The following NTM variants were observed in gnomAD, a reference collection of about 807,000 sequenced individuals.
The protein encoded by NTM is neurotrimin.
Under a neutral mutation model 42.1 loss-of-function variants are expected in NTM, and 13 were observed. The ratio of observed to expected loss-of-function variants is 0.31; its 90% confidence interval spans 0.20 to 0.49. The LOEUF is 0.49. Ranked by LOEUF, NTM falls within the 20% of genes least tolerant of loss-of-function variation. NTM has a pLI of 0.99. For missense variants in NTM, 373 were observed against 452.8 expected, an observed-to-expected ratio of 0.82 and a Z score of 1.60; for synonymous variants, 187 against 179.2, an observed-to-expected ratio of 1.04 and a Z score of -0.35.
chr11:131,928,005 G>A (rs2058147271), intron 2 of NTM, among the ~76,000 whole-genome samples: 1 of 152,032 alleles, frequency 6.6e-6, no homozygotes, highest in African/African-American at 2.4e-5. Context: ...AATTTGAGCT[G>A]TAAAATTATT....
chr11:131,789,610 GAAGAAGAAGAAGAAGAAGAAGAAGAA>G (rs1380003625), intron 1 of NTM, among the ~76,000 whole-genome samples: 2 of 84,326 alleles, frequency 2.4e-5, no homozygotes, highest in African/African-American at 5.4e-5. Flanking sequence ...AGAAGAAGAA[GAAGAAGAAGAAGAAGAAGAAGAAGAA>G]AAGAAGAAGA....
intron 2 of NTM, among the ~76,000 whole-genome samples, chr11:131,916,207 A>C (rs2056331663): frequency 6.6e-6 from 1 of 152,206 alleles, no homozygotes; most frequent in Non-Finnish European, 1.5e-5. Context: ...GTGAGCAGAC[A>C]TCAGTGAGGA....
At chr11:132,319,317 A>G (rs1362828582) in intron 7 of NTM, among the ~76,000 whole-genome samples, 1 of 152,198 alleles carries the variant, frequency 6.6e-6, no homozygotes, top group Non-Finnish European at 1.5e-5. Flanking sequence ...AAGCATGGCA[A>G]GGCATCGCCT....
chr11:131,628,789 G>C (rs778534228), intron 1 of NTM, among the ~76,000 whole-genome samples: 1 of 152,210 alleles, frequency 6.6e-6, no homozygotes. Flanking sequence ...AAGTGCTAAA[G>C]TGCTGTTCAT....
At chr11:131,729,928 A>G (rs912514187) in intron 1 of NTM, among the ~76,000 whole-genome samples, 7 of 151,830 alleles carry the variant, frequency 4.6e-5, no homozygotes, top group Admixed American at 1.3e-4. Context: ...TTTTTTTTGG[A>G]TAATGTTTTA....
intron 1 of NTM, among the ~76,000 whole-genome samples, chr11:131,506,819 A>T (rs2047547526): frequency 6.6e-6 from 1 of 152,148 alleles, no homozygotes; most frequent in African/African-American, 2.4e-5. Flanking sequence ...AAGGATATCT[A>T]CCAAAAGCAG....
At chr11:131,562,811 A>G (rs544144789) in intron 1 of NTM, among the ~76,000 whole-genome samples, 1 of 152,314 alleles carries the variant, frequency 6.6e-6, no homozygotes, top group South Asian at 2.1e-4. Flanking sequence ...CCCAAATTTT[A>G]GCAGAGCTCT....
Position 131,654,839 on chromosome 11 carries a change from C to T in NTM, c.83-256725C>T, listed in dbSNP as rs531510738. On this transcript the variant is annotated intron_variant, in intron 1 of 8. Transcript: ENST00000683400. ...AGAAGCTGGCATTGGAGCCACGCTA[C>T]TTATACAGCCTGCAGAACTGTGAGC... is the stretch of plus-strand genomic sequence containing the variant. Among the ~76,000 whole-genome samples, 289 of 152,328 alleles carry T rather than the reference C, an allele frequency of 1.9e-3. 1 individual carries two copies. Among genetic ancestry groups the T allele is most frequent in the Admixed American group, 3.5e-3 (54 of 15,306 alleles).
chr11:131,982,158 T>C (rs1202909090), intron 2 of NTM, among the ~76,000 whole-genome samples: 1 of 152,098 alleles, frequency 6.6e-6, no homozygotes. Context: ...GGGAAAAGTC[T>C]ATGAGAAACA....
chr11:131,696,095 A>G (rs2075407759), intron 1 of NTM, among the ~76,000 whole-genome samples: 1 of 152,216 alleles, frequency 6.6e-6, no homozygotes, highest in African/African-American at 2.4e-5. Flanking sequence ...CCACAGCCAA[A>G]GGGAGCCGGC....
At chr11:131,549,965 C>A (rs534822112) in intron 1 of NTM, among the ~76,000 whole-genome samples, 1 of 152,278 alleles carries the variant, frequency 6.6e-6, no homozygotes, top group South Asian at 2.1e-4. Flanking sequence ...TGGTGACTTG[C>A]ATTTCACGTC....
intron 4 of NTM, among the ~76,000 whole-genome samples, chr11:132,230,789 T>C (rs940970563): frequency 1.7e-4 from 24 of 142,332 alleles, no homozygotes; most frequent in African/African-American, 5.1e-4. Context: ...AATAGGAGAC[T>C]GAGGGAGGAG....
chr11:131,604,641 AG>A (rs2060771981), intron 1 of NTM, among the ~76,000 whole-genome samples: 1 of 111,460 alleles, frequency 9.0e-6, no homozygotes, highest in African/African-American at 3.1e-5. Flanking sequence ...TTCTTCTAAA[AG>A]GTTTTTTTTT....
intron 1 of NTM, among the ~76,000 whole-genome samples, chr11:131,715,145 A>T (rs2077556115): frequency 6.6e-6 from 1 of 152,214 alleles, no homozygotes; most frequent in Non-Finnish European, 1.5e-5. Context: ...AGGCCACCTC[A>T]GATATGGTGG....
At chr11:131,639,630 C>G (rs2064869407) in intron 1 of NTM, among the ~76,000 whole-genome samples, 1 of 152,072 alleles carries the variant, frequency 6.6e-6, no homozygotes, top group Admixed American at 6.6e-5. Context: ...CCTCTCGGGC[C>G]CTGTCTTGGG....
At chr11:131,697,638 G>A (rs2075610724) in intron 1 of NTM, among the ~76,000 whole-genome samples, 1 of 152,090 alleles carries the variant, frequency 6.6e-6, no homozygotes, top group South Asian at 2.1e-4. Flanking sequence ...TTGAGATTTT[G>A]AAATTTTCCT....
intron 1 of NTM, among the ~76,000 whole-genome samples, chr11:131,741,774 C>T (rs182264964): frequency 7.9e-5 from 12 of 152,260 alleles, no homozygotes; most frequent in Middle Eastern, 3.4e-3. Context: ...ATGCTTCCTT[C>T]GATAGCTCAG....
intron 3 of NTM, among the ~76,000 whole-genome samples, chr11:132,184,512 A>T (rs1376085517): frequency 2.0e-5 from 3 of 152,092 alleles, no homozygotes; most frequent in African/African-American, 7.2e-5. Flanking sequence ...TTTTTTCTTG[A>T]GGCAGGACAC....
At chr11:132,203,032 T>A (rs1445861622) in intron 3 of NTM, among the ~76,000 whole-genome samples, 1 of 152,220 alleles carries the variant, frequency 6.6e-6, no homozygotes, top group Non-Finnish European at 1.5e-5. Flanking sequence ...TCATTTGGAA[T>A]TCTGATTGAC....
Sources: allele counts gnomAD v4.1 joint callset (sites outside exome capture counted in the v4.1 genomes callset), GRCh38; gene constraint gnomAD v4.1.1; transcripts MANE v1.5; gene names NCBI Gene and HGNC (gene_info 2026-07-23, HGNC 2026-07-21).